Variants in XIRP2 observed in about 807,000 individuals in gnomAD.
XIRP2 encodes xin actin-binding repeat-containing protein 2.
A neutral mutation model predicts 277.0 loss-of-function variants in XIRP2; 236 were observed. The observed-to-expected ratio is 0.85, with a 90% CI of 0.77 to 0.95. XIRP2 has a LOEUF of 0.95. Among genes scored for constraint, XIRP2 ranks in the 40% least tolerant of loss-of-function variants. The pLI, the probability that XIRP2 is intolerant of heterozygous loss-of-function variation, is 0.00. For synonymous variants in XIRP2, 1,490 were observed against 1,416.5 expected (o/e 1.05, Z -1.17); for missense variants, 4,640 against 4,157.5 (o/e 1.12, Z -3.19).
chr2:167,167,311 A>G (rs1226863484), intron 3 of XIRP2, among the ~76,000 whole-genome samples: 1 of 152,134 alleles, frequency 6.6e-6, no homozygotes, highest in African/African-American at 2.4e-5. Flanking sequence ...TAATTGGTAT[A>G]TTTAGACCAC....
intron 2 of XIRP2, among the ~76,000 whole-genome samples, chr2:167,084,707 A>C (rs1472082089): frequency 5.3e-5 from 8 of 152,138 alleles, no homozygotes; most frequent in African/African-American, 1.7e-4. Flanking sequence ...CATTTCTGCT[A>C]GATTTTCTAG....
intron 2 of XIRP2, among the ~76,000 whole-genome samples, chr2:167,040,417 G>A (rs1368610001): frequency 1.3e-5 from 2 of 152,098 alleles, no homozygotes; most frequent in African/African-American, 4.8e-5. Flanking sequence ...GAAGGGGTGA[G>A]TGAAATAGGC....
At chr2:166,894,009 C>T (rs1684176875) in intron 1 of XIRP2, among the ~76,000 whole-genome samples, 1 of 152,086 alleles carries the variant, frequency 6.6e-6, no homozygotes, top group South Asian at 2.1e-4. Context: ...TTTTTCTTCT[C>T]CCCAAGACCT....
At chr2:167,011,071 C>A (rs909722450) in intron 2 of XIRP2, among the ~76,000 whole-genome samples, 1 of 151,742 alleles carries the variant, frequency 6.6e-6, no homozygotes, top group South Asian at 2.1e-4. Context: ...ATTTCCTTCT[C>A]CTGCCTAATT....
intron 3 of XIRP2, among the ~76,000 whole-genome samples, chr2:167,201,630 A>G (rs1036355923): frequency 6.6e-6 from 1 of 152,118 alleles, no homozygotes; most frequent in Non-Finnish European, 1.5e-5. Context: ...TAGCTGAGGA[A>G]TTTGCTTTGA....
At chr2:167,112,555 G>A (rs1690786590) in intron 2 of XIRP2, among the ~76,000 whole-genome samples, 1 of 144,032 alleles carries the variant, frequency 6.9e-6, no homozygotes, top group African/African-American at 2.7e-5. Context: ...TTTATATCTA[G>A]ATATTTATAT....
chr2:167,108,585 T>G (rs544531773), intron 2 of XIRP2, among the ~76,000 whole-genome samples: 35 of 152,238 alleles, frequency 2.3e-4, no homozygotes, highest in African/African-American at 8.4e-4. Context: ...TTTTGGATGT[T>G]TATTAATAGT....
chr2:167,183,215 G>A (rs1385501483), intron 3 of XIRP2, among the ~76,000 whole-genome samples: 6 of 152,200 alleles, frequency 3.9e-5, no homozygotes, highest in Non-Finnish European at 7.3e-5. Flanking sequence ...ATAAGACATA[G>A]ATTGCAAGTT....
At chr2:167,028,139 A>C (rs963227049) in intron 2 of XIRP2, among the ~76,000 whole-genome samples, 2 of 152,096 alleles carry the variant, frequency 1.3e-5, no homozygotes, top group Admixed American at 1.3e-4. Context: ...TTTTTCTTTC[A>C]AACTTACAAA....
At chr2:167,071,211 G>A (rs142284955) in intron 2 of XIRP2, among the ~76,000 whole-genome samples, 3 of 152,294 alleles carry the variant, frequency 2.0e-5, no homozygotes, top group African/African-American at 7.2e-5. Flanking sequence ...GTGAACATAT[G>A]TGACATAAAG....
chr2:167,047,551 G>A (rs1278062521), intron 2 of XIRP2, among the ~76,000 whole-genome samples: 1 of 151,798 alleles, frequency 6.6e-6, no homozygotes, highest in Non-Finnish European at 1.5e-5. Context: ...AATTTTGAGG[G>A]CCAATAAAAT....
Position 167,244,310 on chromosome 2 carries a change from G to A in XIRP2, c.2918G>A (p.Arg973Lys), listed in dbSNP as rs759287178. 2.4e-5 allele frequency: 39 copies of A among 1,613,678 alleles called. No homozygotes were observed. Among genetic ancestry groups the A allele is most frequent in the Non-Finnish European group, 3.3e-5 (39 of 1,179,844 alleles). The part of the protein sequence containing the change: ...SHKIEVEGVT[R>K]GAVELNKSLF... ...AAAATAGAGGTGGAAGGAGTTACAA[G>A]AGGTGCTGTAGAGTTAAATAAATCT... The change falls in exon 9 of 11, where the codon AGA becomes AAA. Residue 973 changes from arginine to lysine, a missense_variant. Physicochemically the swap from Arg to Lys is conservative, Grantham distance 26. Transcript: ENST00000409195.
chr2:167,231,072 T>G (rs547866182), intron 5 of XIRP2, among the ~76,000 whole-genome samples: 1 of 152,202 alleles, frequency 6.6e-6, no homozygotes, highest in South Asian at 2.1e-4. Flanking sequence ...AAAACACAAG[T>G]TATCATTTTT....
At chr2:167,229,059 AAGACAAAAGGTCAC>A (rs1694684343) in intron 5 of XIRP2, among the ~76,000 whole-genome samples, 1 of 152,150 alleles carries the variant, frequency 6.6e-6, no homozygotes, top group African/African-American at 2.4e-5. Context: ...CTTTCCCCCA[AAGACAAAAGGTCAC>A]AGCAAGAGTT....
chr2:167,040,520 G>T (rs909005202), intron 2 of XIRP2, among the ~76,000 whole-genome samples: 8 of 152,102 alleles, frequency 5.3e-5, no homozygotes, highest in African/African-American at 1.7e-4. Flanking sequence ...AGGAAAAACT[G>T]CCCAGAGTGT....
chr2:166,913,986 A>C (rs1684790161), intron 2 of XIRP2, among the ~76,000 whole-genome samples: 1 of 152,124 alleles, frequency 6.6e-6, no homozygotes, highest in Non-Finnish European at 1.5e-5. Flanking sequence ...TTTACATTCT[A>C]CTCCCCAGAG....
chr2:167,022,844 C>A (rs1688024326), intron 2 of XIRP2, among the ~76,000 whole-genome samples: 4 of 152,176 alleles, frequency 2.6e-5, no homozygotes, highest in African/African-American at 9.7e-5. Flanking sequence ...TTTCTTAATA[C>A]AGTCCATCAT....
At chr2:167,058,290 T>C (rs1198251433) in intron 2 of XIRP2, among the ~76,000 whole-genome samples, 3 of 152,016 alleles carry the variant, frequency 2.0e-5, no homozygotes, top group Non-Finnish European at 2.9e-5. Context: ...TTTCGCCATG[T>C]TCCCCAGGTG....
In XIRP2 at chr2:167,210,815, G is replaced by A. The variant is rs1449740160; in HGVS notation, c.643G>A (p.Glu215Lys). 23 of 1,614,056 alleles carry A rather than the reference G, an allele frequency of 1.4e-5. No homozygotes were observed. Among genetic ancestry groups the A allele is most frequent in the Admixed American group, 1.7e-5 (1 of 60,000 alleles). Residue 215 changes from glutamate (E) to lysine (K), a missense_variant, in exon 4 of 11, where the codon GAA becomes AAA. By Grantham distance (56) the Glu-to-Lys change is moderately conservative (BLOSUM62 1). Transcript: ENST00000409195. ...GGGCGAGGGTGTGTCAGACCTCCAC[G>A]AAGTGGTCTCCCTGAAGGAGCGGAT... The part of the protein sequence containing the change: ...ARGEGVSDLH[E>K]VVSLKERMAR...
Sources: allele counts gnomAD v4.1 joint callset (sites outside exome capture counted in the v4.1 genomes callset), GRCh38; gene constraint gnomAD v4.1.1; transcripts MANE v1.5; gene names NCBI Gene and HGNC (gene_info 2026-07-23, HGNC 2026-07-21).